CHD9: variants seen among roughly 807,000 people sequenced by gnomAD.
CHD9 encodes chromodomain helicase DNA binding protein 9.
In CHD9, 77 loss-of-function variants were observed where a neutral mutation model predicts 316.1. The observed-to-expected ratio is 0.24, with a 90% CI of 0.20 to 0.29. The LOEUF (loss-of-function observed/expected upper bound fraction) is 0.29. CHD9 is among the 10% of genes least tolerant of loss of function. The pLI, the probability that CHD9 is intolerant of heterozygous loss-of-function variation, is 1.00. For missense variants in CHD9, 2,763 were observed against 3,438.1 expected (o/e 0.80, Z 4.91); for synonymous variants, 1,129 against 1,158.3 (o/e 0.97, Z 0.51).
At chr16:53,077,526 A>G (rs1470443640) in intron 1 of CHD9, among the ~76,000 whole-genome samples, 3 of 150,600 alleles carry the variant, frequency 2.0e-5, no homozygotes, top group East Asian at 4.0e-4. Context: ...ACGGGGTTTC[A>G]CCATGTTAGC....
At position 53,306,365 on chromosome 16, in the gene CHD9, G is replaced by T; in HGVS notation, c.6748G>T (p.Gly2250Ter). Reference protein sequence around the residue: ...TPESAYILQGGYMLAASYWPK... With the variant: ...TPESAYILQG ...AGAGTCTGCTTATATCTTACAAGGTGGATATATGCTGGCAGCCTCGTATTG... is the reference window on the plus strand; with the variant it reads ...AGAGTCTGCTTATATCTTACAAGGTTGATATATGCTGGCAGCCTCGTATTG... Residue 2250 changes from glycine (G) to a stop codon, truncating the protein, a stop_gained, in exon 32 of 39, where the codon GGA becomes TGA. Coordinates refer to ENST00000447540, the MANE Select transcript of CHD9 (RefSeq NM_001308319.2). LOFTEE classifies it high-confidence loss of function. The T allele has an allele frequency of 6.2e-7, 1 of 1,600,674 alleles. No homozygotes were observed. Among genetic ancestry groups the T allele is most frequent in the Non-Finnish European group, 8.5e-7 (1 of 1,175,338 alleles).
intron 20 of CHD9, among the ~76,000 whole-genome samples, chr16:53,266,782 T>C (rs1017113142): frequency 3.9e-5 from 6 of 152,214 alleles, no homozygotes; most frequent in African/African-American, 1.4e-4. Context: ...CATACTGAGG[T>C]TGATGCAATT....
chr16:53,138,192 A>G (rs1210242586), intron 1 of CHD9, among the ~76,000 whole-genome samples: 1 of 152,226 alleles, frequency 6.6e-6, no homozygotes, highest in Non-Finnish European at 1.5e-5. Flanking sequence ...GACTTCAAGA[A>G]GGGCACTAAG....
chr16:53,166,329 G>T (rs2042267229), intron 2 of CHD9, among the ~76,000 whole-genome samples: 1 of 152,106 alleles, frequency 6.6e-6, no homozygotes, highest in Non-Finnish European at 1.5e-5. Flanking sequence ...AGGGTAAGAG[G>T]TGAACAGAAA....
intron 16 of CHD9, among the ~76,000 whole-genome samples, chr16:53,248,736 G>A (rs1011837194): frequency 1.3e-5 from 2 of 151,708 alleles, no homozygotes; most frequent in African/African-American, 2.4e-5. Context: ...TGCCCAAGCC[G>A]ATCTCAAACT....
At chr16:53,077,227 A>G (rs1179926090) in intron 1 of CHD9, among the ~76,000 whole-genome samples, 2 of 152,006 alleles carry the variant, frequency 1.3e-5, no homozygotes, top group African/African-American at 2.4e-5. Flanking sequence ...ACCTCAGGTG[A>G]TCCGCCTGCC....
chr16:53,170,672 C>T (rs964040998), intron 2 of CHD9, among the ~76,000 whole-genome samples: 4 of 151,610 alleles, frequency 2.6e-5, no homozygotes, highest in Non-Finnish European at 5.9e-5. Context: ...TTGAATTTCA[C>T]AAGTGCTTTG....
At chr16:53,158,341 A>C (rs1409834788) in intron 2 of CHD9, among the ~76,000 whole-genome samples, 1 of 152,212 alleles carries the variant, frequency 6.6e-6, no homozygotes, top group Non-Finnish European at 1.5e-5. Context: ...AGGCACTAAA[A>C]AGATTTTGAA....
chr16:53,255,851 C>T, intron 19 of CHD9, 72 bp downstream of exon 19: 3 of 1,351,376 alleles, frequency 2.2e-6, no homozygotes, highest in East Asian at 2.3e-5. Flanking sequence ...GTTTAATTAT[C>T]TCTTATACCG....
At chr16:53,135,527 A>G (rs1378917996) in intron 1 of CHD9, among the ~76,000 whole-genome samples, 1 of 152,194 alleles carries the variant, frequency 6.6e-6, no homozygotes, top group African/African-American at 2.4e-5. Flanking sequence ...ATTGGATGTG[A>G]GAAGAAAAGT....
chr16:53,169,382 C>T (rs529645615), intron 2 of CHD9: 1 of 152,140 alleles, frequency 6.6e-6, no homozygotes, highest in Non-Finnish European at 1.5e-5. Flanking sequence ...AAGGCTAGAT[C>T]TCAACTGGTG....
intron 2 of CHD9, among the ~76,000 whole-genome samples, chr16:53,178,827 A>G (rs1195664366): frequency 2.0e-5 from 3 of 152,160 alleles, no homozygotes; most frequent in Admixed American, 6.5e-5. Flanking sequence ...AAGCAAAGCT[A>G]TATATGTACT....
chr16:53,077,535 G>T (rs1249891377), intron 1 of CHD9, among the ~76,000 whole-genome samples: 1 of 151,384 alleles, frequency 6.6e-6, no homozygotes, highest in African/African-American at 2.4e-5. Context: ...CACCATGTTA[G>T]CCAGGATGGG....
intron 30 of CHD9, among the ~76,000 whole-genome samples, chr16:53,297,685 A>G (rs1163945784): frequency 6.6e-6 from 1 of 152,252 alleles, no homozygotes; most frequent in Non-Finnish European, 1.5e-5. Context: ...GCCCAGAGAC[A>G]TAGCTCATCC....
At chr16:53,117,188 T>C (rs2038373333) in intron 1 of CHD9, among the ~76,000 whole-genome samples, 1 of 152,048 alleles carries the variant, frequency 6.6e-6, no homozygotes. Flanking sequence ...CGTTTACCTA[T>C]GTAACAAACC....
intron 1 of CHD9, among the ~76,000 whole-genome samples, chr16:53,066,630 A>C (rs529487535): frequency 6.6e-6 from 1 of 152,122 alleles, no homozygotes; most frequent in South Asian, 2.1e-4. Flanking sequence ...GAGGCACCAT[A>C]TTTAACCTCA....
intron 1 of CHD9, among the ~76,000 whole-genome samples, chr16:53,132,437 G>T (rs921660833): frequency 6.6e-6 from 1 of 152,092 alleles, no homozygotes; most frequent in Admixed American, 6.5e-5. Flanking sequence ...CGAAAAGAAG[G>T]CTTATCTTGT....
intron 19 of CHD9, among the ~76,000 whole-genome samples, chr16:53,257,061 A>G (rs2050673887): frequency 6.6e-6 from 1 of 152,234 alleles, no homozygotes; most frequent in Non-Finnish European, 1.5e-5. Flanking sequence ...TATATTCTGA[A>G]TAAAGAAAGC....
At chr16:53,274,068 G>A in intron 23 of CHD9, 145 bp from the exon 24 acceptor site, 1 of 652,390 alleles carries the variant, frequency 1.5e-6, no homozygotes. Flanking sequence ...TATATATATG[G>A]TAGTAATAAG....
Sources: gnomAD v4.1 joint callset for allele counts (sites outside exome capture counted in the v4.1 genomes callset) on GRCh38, gnomAD v4.1.1 for gene constraint, MANE v1.5 for transcripts, NCBI Gene and HGNC (gene_info 2026-07-23, HGNC 2026-07-21) for gene names.